EPHA5: variants seen among roughly 807,000 people sequenced by gnomAD.
The protein encoded by EPHA5 is EPH receptor A5, also known as ephrin type-A receptor 5.
Under a neutral mutation model 105.0 loss-of-function variants are expected in EPHA5, and 60 were observed. That is an observed-to-expected ratio of 0.57 (90% CI 0.46 to 0.71). The LOEUF (loss-of-function observed/expected upper bound fraction) is 0.71, where lower values mean the gene tolerates loss of function less well. Ranked by LOEUF, EPHA5 falls within the 30% of genes least tolerant of loss-of-function variation. The pLI, the probability that EPHA5 is intolerant of heterozygous loss-of-function variation, is 0.00. For synonymous variants in EPHA5, 513 were observed against 449.1 expected (o/e 1.14, Z -1.80); for missense variants, 1,218 against 1,274.7 (o/e 0.96, Z 0.68).
intron 3 of EPHA5, among the ~76,000 whole-genome samples, chr4:65,540,570 G>T (rs1006002517): frequency 2.6e-5 from 4 of 151,370 alleles, no homozygotes; most frequent in Non-Finnish European, 4.4e-5. Context: ...CATTTTAAAA[G>T]ATTCTCAAAG....
intron 3 of EPHA5, among the ~76,000 whole-genome samples, chr4:65,572,376 C>T (rs1028018874): frequency 1.3e-5 from 2 of 152,148 alleles, no homozygotes; most frequent in African/African-American, 2.4e-5. Flanking sequence ...TACTCTCCAA[C>T]GCAGGCATGC....
At chr4:65,617,379 G>T (rs1745333737) in intron 2 of EPHA5, among the ~76,000 whole-genome samples, 1 of 151,930 alleles carries the variant, frequency 6.6e-6, no homozygotes, top group Non-Finnish European at 1.5e-5. Flanking sequence ...ATTATGTCTA[G>T]GGAACTGGAT....
intron 3 of EPHA5, among the ~76,000 whole-genome samples, chr4:65,528,891 T>C (rs988488164): frequency 6.6e-6 from 1 of 152,178 alleles, no homozygotes; most frequent in Non-Finnish European, 1.5e-5. Flanking sequence ...AGAAGGACTC[T>C]ACTTCAAATT....
intron 14 of EPHA5, among the ~76,000 whole-genome samples, chr4:65,345,812 GC>G (rs1722163480): frequency 6.7e-6 from 1 of 150,142 alleles, no homozygotes; most frequent in Non-Finnish European, 1.5e-5. Flanking sequence ...TCGCTCTGTC[GC>G]CCAGGCTGGT....
At chr4:65,518,417 T>TCA (rs150740850) in intron 3 of EPHA5, among the ~76,000 whole-genome samples, 63 of 150,116 alleles carry the variant, frequency 4.2e-4, no homozygotes, top group South Asian at 8.4e-4. Flanking sequence ...GTACTTATAT[T>TCA]CACACACACA....
At chr4:65,646,060 T>C (rs905233295) in intron 1 of EPHA5, among the ~76,000 whole-genome samples, 1 of 152,188 alleles carries the variant, frequency 6.6e-6, no homozygotes, top group Non-Finnish European at 1.5e-5. Flanking sequence ...ATAACTAAAA[T>C]GTATGTGCAA....
intron 3 of EPHA5, among the ~76,000 whole-genome samples, chr4:65,538,923 C>A (rs1404538633): frequency 6.6e-6 from 1 of 151,688 alleles, no homozygotes; most frequent in Non-Finnish European, 1.5e-5. Flanking sequence ...GATTTAAAGA[C>A]ATTCTGCCAG....
At chr4:65,619,294 C>T (rs1050368509) in intron 2 of EPHA5, among the ~76,000 whole-genome samples, 1 of 152,052 alleles carries the variant, frequency 6.6e-6, no homozygotes, top group Admixed American at 6.6e-5. Context: ...CTATCTCTAA[C>T]AGACAATGAT....
chr4:65,367,036 T>C (rs1291142522), intron 9 of EPHA5, among the ~76,000 whole-genome samples: 1 of 151,816 alleles, frequency 6.6e-6, no homozygotes, highest in Admixed American at 6.6e-5. Flanking sequence ...TTTCTACTCA[T>C]TGTGTTGCTA....
chr4:65,407,515 TAA>T (rs1201420665), intron 7 of EPHA5, among the ~76,000 whole-genome samples: 2 of 6,986 alleles, frequency 2.9e-4, no homozygotes, highest in Non-Finnish European at 5.6e-4. Context: ...GTTAAAATGC[TAA>T]GACATTTTAT....
chr4:65,498,357 T>G (rs1298124802), intron 3 of EPHA5, among the ~76,000 whole-genome samples: 1 of 151,910 alleles, frequency 6.6e-6, no homozygotes, highest in African/African-American at 2.4e-5. Context: ...TTATTAAGGT[T>G]TAACTGACAA....
intron 5 of EPHA5, among the ~76,000 whole-genome samples, chr4:65,456,470 T>C (rs921182405): frequency 1.3e-5 from 2 of 152,194 alleles, no homozygotes; most frequent in Non-Finnish European, 2.9e-5. Context: ...CACTTTGTTT[T>C]AGAATCATTG....
rs991407127 is a variant in EPHA5, at chr4:65,322,079, T to G, written c.*2035A>C. On this transcript the variant is annotated 3_prime_UTR_variant, in exon 17 of 17. Coordinates refer to ENST00000613740, the MANE Select transcript of EPHA5 (RefSeq NM_001281766.3). ...CTTTTTTATGATTTTATCAAGAAAA[T>G]ATTAAATTCACATCTCTGGAAATTT... The G allele has an allele frequency of 2.2e-5, 5 of 225,806 alleles. No homozygotes were observed. The highest frequency in any genetic ancestry group is 1.1e-4 in the African/African-American group (5 of 44,928). The allele number at this position is 225,806 out of a possible 1,614,324, so 14.0% of individuals were successfully genotyped here. A position where few individuals can be genotyped will look rare whatever the true frequency, so the allele number is the denominator to read the frequency against.
At chr4:65,628,565 T>G (rs1232974497) in intron 2 of EPHA5, among the ~76,000 whole-genome samples, 2 of 152,046 alleles carry the variant, frequency 1.3e-5, no homozygotes, top group Non-Finnish European at 2.9e-5. Flanking sequence ...ATGTAAAAAA[T>G]AAACGTTATA....
chr4:65,510,522 A>C (rs1036365283), intron 3 of EPHA5, among the ~76,000 whole-genome samples: 1 of 152,192 alleles, frequency 6.6e-6, no homozygotes, highest in Non-Finnish European at 1.5e-5. Context: ...CACTGTTTCT[A>C]TATGACCCTT....
chr4:65,333,186 A>G (rs1347736233), intron 15 of EPHA5, among the ~76,000 whole-genome samples: 2 of 151,188 alleles, frequency 1.3e-5, no homozygotes, highest in Non-Finnish European at 2.9e-5. Flanking sequence ...TTACATGCCC[A>G]TTATGTAAAT....
At chr4:65,353,308 TA>T (rs1297961740) in intron 11 of EPHA5, among the ~76,000 whole-genome samples, 8 of 147,512 alleles carry the variant, frequency 5.4e-5, no homozygotes, top group African/African-American at 2.0e-4. Context: ...TTTAATATTT[TA>T]AAAACATTTT....
At chr4:65,601,417 ACTCT>A (rs1395401911) in intron 3 of EPHA5, among the ~76,000 whole-genome samples, 1 of 152,144 alleles carries the variant, frequency 6.6e-6, no homozygotes, top group African/African-American at 2.4e-5. Context: ...CAAGTCAGAC[ACTCT>A]CTGAGTATTA....
At chr4:65,647,728 G>C (rs974430437) in intron 1 of EPHA5, among the ~76,000 whole-genome samples, 1 of 152,060 alleles carries the variant, frequency 6.6e-6, no homozygotes, top group East Asian at 1.9e-4. Flanking sequence ...CTGAGAGACA[G>C]ATTTCAAGGT....
Sources: gnomAD v4.1 joint callset for allele counts (sites outside exome capture counted in the v4.1 genomes callset) on GRCh38, gnomAD v4.1.1 for gene constraint, MANE v1.5 for transcripts, NCBI Gene and HGNC (gene_info 2026-07-23, HGNC 2026-07-21) for gene names.